DZIP1L: variants seen among roughly 807,000 people sequenced by gnomAD.
DZIP1L encodes cilium assembly protein DZIP1L.
Under a neutral mutation model 88.7 loss-of-function variants are expected in DZIP1L, and 90 were observed. That is an observed-to-expected ratio of 1.02 (90% CI 0.86 to 1.21). The LOEUF is 1.21. Among genes scored for constraint, DZIP1L ranks in the 50% most tolerant of loss-of-function variants. DZIP1L has a pLI of 0.00. For missense variants in DZIP1L, 932 were observed against 955.8 expected (o/e 0.98, Z 0.33); for synonymous variants, 363 against 372.1 (o/e 0.98, Z 0.28).
chr3:138,086,294 GATAAA>G (rs1411882890), intron 7 of DZIP1L, among the ~76,000 whole-genome samples: 8 of 151,422 alleles, frequency 5.3e-5, no homozygotes, highest in Non-Finnish European at 1.0e-4. Context: ...AAATGCTTCA[GATAAA>G]ATAAAACCAT....
Position 138,103,882 on chromosome 3 carries a change from A to G in DZIP1L, c.90T>C (p.His30=). 3.7e-6 allele frequency: 6 copies of G among 1,613,990 alleles called. No homozygotes were observed. The highest frequency in any genetic ancestry group is 5.1e-6 in the Non-Finnish European group (6 of 1,180,030). The change falls in exon 2 of 16, where the codon CAT becomes CAC. Residue 30 remains histidine, a synonymous_variant. Coordinates refer to ENST00000327532, the MANE Select transcript of DZIP1L (RefSeq NM_173543.3). ...TFPTFKFQPR[H]DSMDWRRIST... ...TAATGCGTCTCCAGTCCATGCTATC[A>G]TGGCGAGGCTGAAACTTGAAGGTGG...
intron 11 of DZIP1L, 109 bp downstream of exon 11, chr3:138,077,390 A>T: frequency 1.3e-6 from 2 of 1,521,080 alleles, no homozygotes; most frequent in Non-Finnish European, 8.9e-7. Context: ...GCCACAAGTG[A>T]GATGAATGAG....
intron 1 of DZIP1L, 142 bp downstream of exon 1, chr3:138,115,186 C>G (rs1242579713): frequency 6.6e-6 from 1 of 152,300 alleles, no homozygotes; most frequent in African/African-American, 2.4e-5. Flanking sequence ...CCTCCCGCGC[C>G]CCGCTGCACC....
At chr3:138,106,931 G>A (rs571166534) in intron 1 of DZIP1L, among the ~76,000 whole-genome samples, 1 of 152,100 alleles carries the variant, frequency 6.6e-6, no homozygotes, top group African/African-American at 2.4e-5. Context: ...TGACCCCACT[G>A]AGCCACTGTC....
intron 12 of DZIP1L, 130 bp from the exon 13 acceptor site, chr3:138,068,497 G>T: frequency 1.5e-6 from 1 of 648,390 alleles, no homozygotes; most frequent in Non-Finnish European, 2.3e-6. Context: ...AATAACCACA[G>T]CAGATTTCAT....
At chr3:138,105,162 T>A (rs2042446376) in intron 1 of DZIP1L, among the ~76,000 whole-genome samples, 1 of 152,168 alleles carries the variant, frequency 6.6e-6, no homozygotes, top group African/African-American at 2.4e-5. Flanking sequence ...TATTTCTGTT[T>A]TAATGACATA....
intron 12 of DZIP1L, chr3:138,068,984 G>C: frequency 2.3e-6 from 3 of 1,279,086 alleles, no homozygotes; most frequent in Non-Finnish European, 3.0e-6. Flanking sequence ...GTGTGGATTG[G>C]GTCACAATGT....
rs1944275695 is a variant in DZIP1L, at chr3:138,092,312, C to T, written c.870+71G>A. On this transcript the variant is annotated intron_variant, in intron 5 of 15. Transcript: ENST00000327532. ...AACAGCAGATGAAATAAAACCAGTA[C>T]AAACTAAGAAATTTTGAGAATAAGC... 10 of 1,444,000 alleles carry T rather than the reference C, an allele frequency of 6.9e-6. No individual in the cohort carries two copies. In the East Asian group the frequency reaches 7.5e-5, roughly 11 times the overall value. The allele number at this position is 1,444,000 out of a possible 1,614,324, so 89.4% of individuals were successfully genotyped here. A position where few individuals can be genotyped will look rare whatever the true frequency, so the allele number is the denominator to read the frequency against.
chr3:138,073,166 C>T (rs1329544519), intron 11 of DZIP1L, among the ~76,000 whole-genome samples: 1 of 152,006 alleles, frequency 6.6e-6, no homozygotes, highest in Non-Finnish European at 1.5e-5. Flanking sequence ...GAATACTTAA[C>T]CAGGTGTCCC....
At chr3:138,071,957 C>G in intron 11 of DZIP1L, 122 bp from the exon 12 acceptor site, 1 of 954,526 alleles carries the variant, frequency 1.0e-6, no homozygotes, top group Non-Finnish European at 1.5e-6. Context: ...GCTTTTCTTG[C>G]AGGACTGGGG....
At chr3:138,068,500 G>A (rs964121625) in intron 12 of DZIP1L, 133 bp from the exon 13 acceptor site, 3 of 631,526 alleles carry the variant, frequency 4.8e-6, no homozygotes, top group Non-Finnish European at 7.2e-6. Context: ...AACCACAGCA[G>A]ATTTCATGAC....
chr3:138,096,817 A>G (rs1452701126), intron 3 of DZIP1L, among the ~76,000 whole-genome samples: 3 of 152,214 alleles, frequency 2.0e-5, no homozygotes, highest in Non-Finnish European at 4.4e-5. Flanking sequence ...ATAGGAGGAA[A>G]AGTTTTACTT....
At chr3:138,096,971 G>A (rs923745871) in intron 3 of DZIP1L, among the ~76,000 whole-genome samples, 6 of 152,130 alleles carry the variant, frequency 3.9e-5, no homozygotes, top group Admixed American at 6.6e-5. Flanking sequence ...CTTGAGCCCA[G>A]GAATTTGAGA....
intron 4 of DZIP1L, among the ~76,000 whole-genome samples, chr3:138,094,087 T>G (rs1157032442): frequency 6.6e-6 from 1 of 152,250 alleles, no homozygotes; most frequent in East Asian, 1.9e-4. Context: ...AAGTGAGAGA[T>G]GTTTAAGTTT....
At chr3:138,067,723 T>A (rs776877516) in intron 13 of DZIP1L, 23 bp from the exon 14 acceptor site, 6 of 1,529,140 alleles carry the variant, frequency 3.9e-6, no homozygotes, top group Non-Finnish European at 4.4e-6. Flanking sequence ...GGAGAAGAAA[T>A]GAGGGATGCA....
intron 9 of DZIP1L, 67 bp downstream of exon 9, chr3:138,081,666 GA>G: frequency 1.3e-6 from 2 of 1,517,912 alleles, no homozygotes; most frequent in Non-Finnish European, 9.0e-7. Flanking sequence ...GGGGGAGAGG[GA>G]AAAGGAGGGA....
chr3:138,069,183 A>G, intron 12 of DZIP1L: 1 of 679,560 alleles, frequency 1.5e-6, no homozygotes, highest in South Asian at 1.6e-5. Flanking sequence ...CACAAAGATA[A>G]CAAGGATGAA....
chr3:138,098,026 C>T (rs953157387), intron 2 of DZIP1L, among the ~76,000 whole-genome samples, 179 bp from the exon 3 acceptor site: 54 of 152,208 alleles, frequency 3.5e-4, no homozygotes, highest in African/African-American at 1.2e-3. Context: ...ATCACCGGAG[C>T]TTTAAAATAC....
At chr3:138,070,695 C>A (rs1455927475) in intron 12 of DZIP1L, among the ~76,000 whole-genome samples, 3 of 152,244 alleles carry the variant, frequency 2.0e-5, no homozygotes, top group African/African-American at 7.2e-5. Flanking sequence ...GTGGGCCATA[C>A]TCTGCAAAAT....
Sources: allele counts gnomAD v4.1 joint callset (sites outside exome capture counted in the v4.1 genomes callset), GRCh38; gene constraint gnomAD v4.1.1; transcripts MANE v1.5; gene names NCBI Gene and HGNC (gene_info 2026-07-23, HGNC 2026-07-21).